The following EPS8 variants were observed in gnomAD, a reference collection of about 807,000 sequenced individuals.
The protein encoded by EPS8 is epidermal growth factor receptor kinase substrate 8.
In EPS8, 42 loss-of-function variants were observed where a neutral mutation model predicts 103.8. The observed-to-expected ratio is 0.40, with a 90% CI of 0.32 to 0.52. The LOEUF is 0.52. EPS8 is among the 20% of genes least tolerant of loss of function. The probability of loss-of-function intolerance (pLI) is 0.40; values close to 1 mark genes in which losing one functional copy is unlikely to be tolerated. For synonymous variants in EPS8, 344 were observed against 344.6 expected (o/e 1.00, Z 0.02); for missense variants, 969 against 1,005.1 (o/e 0.96, Z 0.49).
In EPS8 at chr12:15,762,235, T is replaced by G. The variant is rs141213912; in HGVS notation, c.-22+26926A>C. Among the ~76,000 whole-genome samples the G allele has an allele frequency of 5.3e-4, 80 of 152,254 alleles. No homozygotes were observed. The highest frequency in any genetic ancestry group is 3.4e-3 in the Middle Eastern group (1 of 294). The stretch of plus-strand genomic sequence containing the variant: ...AATGCAAATTAAAACTACAATAAGA[T>G]ATCATCTCATGCTAGTTAAGATGGC... On this transcript the variant is annotated intron_variant, in intron 1 of 20. Transcript: ENST00000281172. The surrounding 1 kb of genome is among the most constrained non-coding windows in gnomAD (Gnocchi z 4.8).
intron 3 of EPS8, among the ~76,000 whole-genome samples, chr12:15,680,199 C>T (rs1318016550): frequency 6.6e-6 from 1 of 152,130 alleles, no homozygotes; most frequent in African/African-American, 2.4e-5. Flanking sequence ...AATTCACTAA[C>T]ATAGGTAGAA....
At position 15,650,843 on chromosome 12, in the gene EPS8, T is replaced by A. The variant is rs779239286; in HGVS notation, c.1414A>T (p.Ile472Leu). The A allele has an allele frequency of 6.2e-7, 1 of 1,614,080 alleles. No homozygotes were observed. The highest frequency in any genetic ancestry group is 1.3e-5 in the African/African-American group (1 of 75,036). ...NVAEHQRKQE[I>L]KRLSTEHSSV... ...ACTACCTCTGTGGATAATCTTTTTATTTCCTGTTTGCGCTGATGTTCTGCT... is the reference window on the plus strand; with the variant it reads ...ACTACCTCTGTGGATAATCTTTTTAATTCCTGTTTGCGCTGATGTTCTGCT... The change falls in exon 14 of 21, where the codon ATA becomes TTA. Residue 472 changes from isoleucine (I) to leucine (L), a missense_variant. Physicochemically the swap from Ile to Leu is conservative, Grantham distance 5 (BLOSUM62 2). Coordinates refer to ENST00000281172, the MANE Select transcript of EPS8 (RefSeq NM_004447.6).
rs2417477 is a variant in EPS8 at position 15,716,141 on chromosome 12, A to G, written c.-21-33169T>C. Among the ~76,000 whole-genome samples, 141,594 of 152,182 alleles carry G rather than the reference A, an allele frequency of 0.93. 66,698 individuals carry two copies. Among genetic ancestry groups the G allele is most frequent in the East Asian group, 1 (5,172 of 5,172 alleles). On this transcript the variant is annotated intron_variant, in intron 1 of 20. Coordinates refer to ENST00000281172, the MANE Select transcript of EPS8 (RefSeq NM_004447.6). The surrounding 1 kb of genome is among the most constrained non-coding windows in gnomAD (Gnocchi z 5.0). ...AGAGCTGAAAGAAATCTGAGAGAGTATCCCAATTCCAATCCCTGTCATTTT... is the reference window on the plus strand; with the variant it reads ...AGAGCTGAAAGAAATCTGAGAGAGTGTCCCAATTCCAATCCCTGTCATTTT...
rs908560047 is a variant in EPS8 at position 15,769,699 on chromosome 12, T to C, written c.-22+19462A>G. On this transcript the variant is annotated intron_variant, in intron 1 of 20. Coordinates refer to ENST00000281172, the MANE Select transcript of EPS8 (RefSeq NM_004447.6). The surrounding 1 kb of genome is among the most constrained non-coding windows in gnomAD (Gnocchi z 4.6). ...TGAATTTCTCCCCAAACAATGAACA[T>C]CTCTATATAGTAACTCTATTTTCAG... Among the ~76,000 whole-genome samples the C allele has an allele frequency of 3.2e-4, 49 of 152,218 alleles. 1 individual carries two copies. The highest frequency in any genetic ancestry group is 1.3e-4 in the Admixed American group (2 of 15,288).
At chr12:15,666,350 T>C (rs1300509872) in intron 7 of EPS8, 90 bp downstream of exon 7, 3 of 921,638 alleles carry the variant, frequency 3.3e-6, no homozygotes, top group Non-Finnish European at 5.1e-6. Flanking sequence ...AATAATATAC[T>C]TCCATAGAAA....
intron 1 of EPS8, among the ~76,000 whole-genome samples, chr12:15,719,769 C>T (rs1206548460): frequency 2.0e-5 from 3 of 152,170 alleles, no homozygotes; most frequent in African/African-American, 7.2e-5. Context: ...TGATAAAATG[C>T]TTATTCTCCT....
chr12:15,778,246 T>C lies in EPS8; in HGVS notation c.-22+10915A>G, dbSNP rs1177822791. ...TTCAGAGGGTGATTTTCAACAATGA[T>C]TAAAAACACTCTGACACACACTCTT... is the stretch of plus-strand genomic sequence containing the variant. On this transcript the variant is annotated intron_variant, in intron 1 of 20. Transcript: ENST00000281172. The surrounding 1 kb of genome is among the most constrained non-coding windows in gnomAD (Gnocchi z 4.5). 5.3e-5 allele frequency among the ~76,000 whole-genome samples: 8 copies of C among 152,148 alleles called. No homozygotes were observed. Among genetic ancestry groups the C allele is most frequent in the South Asian group, 2.1e-4 (1 of 4,822 alleles).
chr12:15,712,997 G>A lies in EPS8; in HGVS notation c.-21-30025C>T, dbSNP rs933123830. On this transcript the variant is annotated intron_variant, in intron 1 of 20. Transcript: ENST00000281172. ...TAAGCGTCAGTTTCGGCATTGTACT[G>A]TACCAAACAAAATTTCTGATTTGGT... The A allele has an allele frequency of 6.1e-6, 6 of 985,108 alleles. No homozygotes were observed. In the South Asian group the frequency reaches 2.8e-4, roughly 46 times the overall value. 61.0% of individuals were successfully genotyped at this position (985,108 alleles called of 1,614,324 possible). A position where few individuals can be genotyped will look rare whatever the true frequency, so the allele number is the denominator to read the frequency against.
rs1946531364 is a variant in EPS8, at chr12:15,716,126, G to T, written c.-21-33154C>A. On this transcript the variant is annotated intron_variant, in intron 1 of 20. Transcript: ENST00000281172. This position sits in a 1 kb window ranked among gnomAD's most constrained non-coding sequence, Gnocchi z 5.0. ...GTATCACTAAACTTGAGAGCTGAAA[G>T]AAATCTGAGAGAGTATCCCAATTCC... 6.6e-6 allele frequency among the ~76,000 whole-genome samples: 1 copy of T among 152,072 alleles called. No individual in the cohort carries two copies. Among genetic ancestry groups the T allele is most frequent in the Non-Finnish European group, 1.5e-5 (1 of 68,012 alleles).
At chr12:15,685,581 T>C (rs896687750) in intron 1 of EPS8, among the ~76,000 whole-genome samples, 14 of 152,176 alleles carry the variant, frequency 9.2e-5, no homozygotes, top group African/African-American at 3.1e-4. Flanking sequence ...AGTGATCTGT[T>C]AGAATAAGAG....
At chr12:15,763,559 C>T (rs115261140) in intron 1 of EPS8, among the ~76,000 whole-genome samples, 4,084 of 152,202 alleles carry the variant, frequency 0.027, 180 homozygotes, top group African/African-American at 0.093. Context: ...CAACAAGGGG[C>T]CTCTGTTCCT....
chr12:15,705,967 C>A (rs548534039), intron 1 of EPS8, among the ~76,000 whole-genome samples: 3 of 152,264 alleles, frequency 2.0e-5, no homozygotes, highest in Non-Finnish European at 4.4e-5. Flanking sequence ...TTATTAAATT[C>A]TTGTACAATC....
intron 17 of EPS8, among the ~76,000 whole-genome samples, chr12:15,632,994 C>T (rs1362897022): frequency 1.3e-5 from 2 of 151,862 alleles, no homozygotes; most frequent in Admixed American, 6.6e-5. Flanking sequence ...GTTTATAATG[C>T]TGGTAGATGC....
Position 15,623,279 on chromosome 12 carries a change from T to C in EPS8, c.2234A>G (p.Asn745Ser), listed in dbSNP as rs377020104. The change falls in exon 20 of 21, where the codon AAT becomes AGT. Residue 745 changes from asparagine (N) to serine (S), a missense_variant. Transcript: ENST00000281172. The part of the protein sequence containing the change: ...QSKGFNPVTV[N>S]SLGVLNGAQL... ...TGCACCATTTAATACTCCAAGACTA[T>C]TGACAGTCCTAAAAAAAAAAAAAGG... 1.7e-5 allele frequency: 27 copies of C among 1,584,354 alleles called. No homozygotes were observed. The highest frequency in any genetic ancestry group is 2.8e-5 in the African/African-American group (2 of 71,208).
chr12:15,786,958 T>C (rs1386197667), intron 1 of EPS8, among the ~76,000 whole-genome samples: 1 of 152,174 alleles, frequency 6.6e-6, no homozygotes, highest in African/African-American at 2.4e-5. Flanking sequence ...ACCTTATCAT[T>C]AACTTATGTT....
rs1947209239 is a variant in EPS8 at position 15,776,654 on chromosome 12, T to C, written c.-22+12507A>G. Among the ~76,000 whole-genome samples the C allele has an allele frequency of 6.6e-6, 1 of 152,252 alleles. No homozygotes were observed. The highest frequency in any genetic ancestry group is 2.1e-4 in the South Asian group (1 of 4,832). ...AGTTATTTATTGAATACTTATTCAA[T>C]ATACACTTAAATAATATATTGTTCC... On this transcript the variant is annotated intron_variant, in intron 1 of 20. Transcript: ENST00000281172. The surrounding 1 kb of genome is among the most constrained non-coding windows in gnomAD (Gnocchi z 4.2).
Position 15,681,291 on chromosome 12 carries a change from G to T in EPS8, c.71C>A (p.Ser24Ter). The T allele has an allele frequency of 6.7e-7, 1 of 1,497,592 alleles. No homozygotes were observed. The highest frequency in any genetic ancestry group is 9.1e-7 in the Non-Finnish European group (1 of 1,098,048). The allele number at this position is 1,497,592 out of a possible 1,614,324, so 92.8% of individuals were successfully genotyped here. The stretch of plus-strand genomic sequence containing the variant: ...GTCCGTCTGGGAAAAGGTAGGTGAT[G>T]ATCCGTAGCCACTGTAATAATAATA... The part of the protein sequence containing the change: ...MYPSQMNGYG[S>*]SPTFSQTDRE... The change falls in exon 3 of 21, where the codon TCA becomes TAA. Residue 24 changes from serine (S) to a stop codon, truncating the protein, a stop_gained. Transcript: ENST00000281172. LOFTEE classifies it high-confidence loss of function.
chr12:15,645,813 T>A (rs777831923), intron 15 of EPS8, among the ~76,000 whole-genome samples: 10 of 152,218 alleles, frequency 6.6e-5, no homozygotes, highest in Non-Finnish European at 8.8e-5. Flanking sequence ...ATGCTAAATG[T>A]GGTCTTCAAA....
At chr12:15,774,456 C>A (rs1361130097) in intron 1 of EPS8, among the ~76,000 whole-genome samples, 1 of 151,486 alleles carries the variant, frequency 6.6e-6, no homozygotes, top group Non-Finnish European at 1.5e-5. Context: ...GGACGCCAAC[C>A]ATCTGTCTAG....
Sources: allele counts gnomAD v4.1 joint callset (sites outside exome capture counted in the v4.1 genomes callset), GRCh38; gene constraint gnomAD v4.1.1; non-coding constraint Gnocchi (gnomAD v3.1); transcripts MANE v1.5; gene names NCBI Gene and HGNC (gene_info 2026-07-23, HGNC 2026-07-21).